Variants in ZBTB46 observed in about 807,000 individuals in gnomAD.
ZBTB46 encodes zinc finger and BTB domain-containing protein 46.
Under a neutral mutation model 44.1 loss-of-function variants are expected in ZBTB46, and 8 were observed. That is an observed-to-expected ratio of 0.18 (90% CI 0.11 to 0.33). The LOEUF (loss-of-function observed/expected upper bound fraction) is 0.33. Among genes scored for constraint, ZBTB46 ranks in the 10% least tolerant of loss-of-function variants. The pLI is 1.00. For synonymous variants in ZBTB46, 409 were observed against 382.3 expected (o/e 1.07, Z -0.81); for missense variants, 651 against 847.7 (o/e 0.77, Z 2.88).
At position 63,820,259 on chromosome 20, in the gene ZBTB46, A is replaced by G. The variant is rs139223530; in HGVS notation, c.-34+10838T>C. 6.5e-4 allele frequency among the ~76,000 whole-genome samples: 99 copies of G among 151,704 alleles called. 1 individual carries two copies. In the East Asian group the frequency reaches 0.019, roughly 29 times the overall value. Reference sequence around the variant, plus strand: ...CAGGCACCCGCCACCACACCCAGCTAATTTTGTTTTTTTGTATTTTTAATA... The same window carrying G: ...CAGGCACCCGCCACCACACCCAGCTGATTTTGTTTTTTTGTATTTTTAATA... On this transcript the variant is annotated intron_variant, in intron 1 of 4. Coordinates refer to ENST00000245663, the MANE Select transcript of ZBTB46 (RefSeq NM_001369741.1).
chr20:63,807,315 ATTCT>A (rs572454359), intron 1 of ZBTB46, among the ~76,000 whole-genome samples: 253 of 152,142 alleles, frequency 1.7e-3, no homozygotes, highest in African/African-American at 5.9e-3. Flanking sequence ...TTGACTACTG[ATTCT>A]TTATTTGTTA....
At chr20:63,769,501 C>A in intron 3 of ZBTB46, 2 of 948,706 alleles carry the variant, frequency 2.1e-6, no homozygotes, top group Non-Finnish European at 2.5e-6. Flanking sequence ...CCGGTGATGC[C>A]CCAAGGGTCT....
intron 1 of ZBTB46, among the ~76,000 whole-genome samples, chr20:63,812,476 T>C (rs1274327434): frequency 6.6e-6 from 1 of 150,816 alleles, no homozygotes; most frequent in Admixed American, 6.6e-5. Context: ...ACCCCGTCTC[T>C]ACTAAAATAC....
rs1255730198 is a variant in ZBTB46, at chr20:63,767,949, C to T, written c.1222+7729G>A. 2.0e-6 allele frequency: 2 copies of T among 985,308 alleles called. No homozygotes were observed. Among genetic ancestry groups the T allele is most frequent in the African/African-American group, 1.7e-5 (1 of 57,244 alleles). 61.0% of individuals were successfully genotyped at this position (985,308 alleles called of 1,614,324 possible). A position where few individuals can be genotyped will look rare whatever the true frequency, so the allele number is the denominator to read the frequency against. ...GAGCCAACTCTGGAAGAGGACTGCT[C>T]CGCCCAGCTCTCCACGCCATGAGAG... On this transcript the variant is annotated intron_variant, in intron 3 of 4. Transcript: ENST00000245663. The surrounding 1 kb of genome is among the most constrained non-coding windows in gnomAD (Gnocchi z 5.0).
intron 2 of ZBTB46, among the ~76,000 whole-genome samples, chr20:63,776,241 G>C (rs2092424946): frequency 6.6e-6 from 1 of 152,230 alleles, no homozygotes; most frequent in Non-Finnish European, 1.5e-5. Flanking sequence ...GCCCTCCCTG[G>C]ACGAGGCGCT....
At chr20:63,815,943 TAC>T (rs1491212185) in intron 1 of ZBTB46, among the ~76,000 whole-genome samples, 3 of 115,520 alleles carry the variant, frequency 2.6e-5, no homozygotes, top group African/African-American at 1.1e-4. Flanking sequence ...TGGGTGCAGG[TAC>T]AGTGGGCACA....
At chr20:63,793,437 A>C (rs541764915) in intron 1 of ZBTB46, among the ~76,000 whole-genome samples, 15 of 152,276 alleles carry the variant, frequency 9.9e-5, no homozygotes, top group African/African-American at 1.7e-4. Context: ...CCAGGAAAAC[A>C]ACCATTCAAT....
At chr20:63,777,051 ACGCCACGG>A (rs2092431591) in intron 2 of ZBTB46, among the ~76,000 whole-genome samples, 1 of 44,764 alleles carries the variant, frequency 2.2e-5, no homozygotes, top group East Asian at 5.2e-4. Flanking sequence ...GTTCCACCAC[ACGCCACGG>A]TTCCAGCACA....
intron 1 of ZBTB46, among the ~76,000 whole-genome samples, chr20:63,821,090 A>G (rs2092789461): frequency 6.6e-6 from 1 of 150,842 alleles, no homozygotes; most frequent in African/African-American, 2.4e-5. Context: ...ACGGGGTTTC[A>G]CCATGTTGGC....
At chr20:63,792,423 A>ACGCGGC (rs1555849424) in intron 1 of ZBTB46, among the ~76,000 whole-genome samples, 7 of 151,586 alleles carry the variant, frequency 4.6e-5, no homozygotes, top group African/African-American at 1.7e-4. Context: ...CTCATGGGGG[A>ACGCGGC]CGGGGTCGGG....
intron 1 of ZBTB46, among the ~76,000 whole-genome samples, chr20:63,809,125 C>G (rs1048907072): frequency 5.9e-5 from 9 of 152,310 alleles, no homozygotes; most frequent in South Asian, 2.1e-4. Flanking sequence ...TTCCACGTTC[C>G]CCTTCGCAGG....
At chr20:63,832,752 C>T (rs1391244771), upstream of ZBTB46, among the ~76,000 whole-genome samples, 1 of 152,118 alleles carries the variant, frequency 6.6e-6, no homozygotes, top group Non-Finnish European at 1.5e-5. The surrounding 1 kb of genome is among the most constrained non-coding windows in gnomAD (Gnocchi z 5.0). Flanking sequence ...GCACTGCCTG[C>T]TCTGGTCTGA....
rs753823960 is a variant in ZBTB46, at chr20:63,775,706, GTAC to G, written c.1191_1193del (p.Glu397_Tyr398delinsAsp). On this transcript the variant is annotated inframe_deletion, in exon 3 of 5. Coordinates refer to ENST00000245663, the MANE Select transcript of ZBTB46 (RefSeq NM_001369741.1). ...ACAGCGAGTGGGCCCCTCTGGGCAG[GTAC>G]TCGAACAGCAGGGAGCCGTCATCCC... is the stretch of plus-strand genomic sequence containing the variant. 1.0e-5 allele frequency: 16 copies of G among 1,599,556 alleles called. No individual in the cohort carries two copies. The highest frequency in any genetic ancestry group is 1.3e-5 in the African/African-American group (1 of 74,718).
chr20:63,763,550 G>A (rs1218301382), intron 3 of ZBTB46, among the ~76,000 whole-genome samples: 3 of 152,126 alleles, frequency 2.0e-5, no homozygotes, highest in East Asian at 1.9e-4. Context: ...GGTGCCACAC[G>A]CTTTTAATCG....
At chr20:63,822,610 G>C (rs529871463) in intron 1 of ZBTB46, among the ~76,000 whole-genome samples, 2 of 152,250 alleles carry the variant, frequency 1.3e-5, no homozygotes, top group Non-Finnish European at 2.9e-5. Context: ...ATCAGTCAAC[G>C]GCTGCTGTTA....
Position 63,747,023 on chromosome 20 carries a change from A to G in ZBTB46, c.1677T>C (p.Asp559=). The G allele has an allele frequency of 1.2e-6, 2 of 1,608,260 alleles. No individual in the cohort carries two copies. The highest frequency in any genetic ancestry group is 2.2e-5 in the East Asian group (1 of 44,790). ...GEDDEGLAPE[D]ALLADDKDEE... ...CATCCTTGTCGTCCGCCAACAGCGC[A>G]TCCTCAGGGGCCAGGCCCTCGTCGT... Residue 559 remains aspartate (D), a synonymous_variant, in exon 5 of 5, where the codon GAT becomes GAC. Coordinates refer to ENST00000245663, the MANE Select transcript of ZBTB46 (RefSeq NM_001369741.1).
In ZBTB46 at chr20:63,746,581, C is replaced by G. The variant is rs1046096508; in HGVS notation, c.*349G>C. 1.1e-5 allele frequency: 3 copies of G among 267,614 alleles called. No homozygotes were observed. Among genetic ancestry groups the G allele is most frequent in the African/African-American group, 6.7e-5 (3 of 45,078 alleles). 16.6% of individuals were successfully genotyped at this position (267,614 alleles called of 1,614,324 possible). Reference sequence around the variant, plus strand: ...AACACACCACCCCGCCCAGTGCCCACTGGACCCGGCCACAGGCCCATCACG... The same window carrying G: ...AACACACCACCCCGCCCAGTGCCCAGTGGACCCGGCCACAGGCCCATCACG... On this transcript the variant is annotated 3_prime_UTR_variant, in exon 5 of 5. Coordinates refer to ENST00000245663, the MANE Select transcript of ZBTB46 (RefSeq NM_001369741.1).
Position 63,752,779 on chromosome 20 carries a change from T to C in ZBTB46, c.1305A>G (p.Arg435=), listed in dbSNP as rs1379238532. ...FSAMHQCILK[R]HMRSHTGERP... is the part of the protein sequence containing the mutation. ...GCTCTCCCGTGTGCGAGCGCATGTG[T>C]CGCTTGAGGATGCACTGGTGCATGG... The change falls in exon 4 of 5, where the codon CGA becomes CGG. Residue 435 remains arginine (R), a synonymous_variant. Coordinates refer to ENST00000245663, the MANE Select transcript of ZBTB46 (RefSeq NM_001369741.1). This position sits in a 1 kb window ranked among gnomAD's most constrained non-coding sequence, Gnocchi z 5.6. The C allele has an allele frequency of 1.2e-6, 2 of 1,613,112 alleles. No individual in the cohort carries two copies. Among genetic ancestry groups the C allele is most frequent in the Non-Finnish European group, 1.7e-6 (2 of 1,179,562 alleles).
intron 3 of ZBTB46, among the ~76,000 whole-genome samples, chr20:63,762,631 G>T (rs1044247256): frequency 6.6e-6 from 1 of 151,176 alleles, no homozygotes; most frequent in Non-Finnish European, 1.5e-5. Flanking sequence ...TCCAGCCTGG[G>T]CAACAGTGAG....
Sources: gnomAD v4.1 joint callset for allele counts (sites outside exome capture counted in the v4.1 genomes callset) on GRCh38, gnomAD v4.1.1 for gene constraint, Gnocchi (gnomAD v3.1) non-coding constraint, MANE v1.5 for transcripts, NCBI Gene and HGNC (gene_info 2026-07-23, HGNC 2026-07-21) for gene names.